CDK14: variants seen among roughly 807,000 people sequenced by gnomAD.
The protein encoded by CDK14 is cyclin dependent kinase 14.
A neutral mutation model predicts 60.7 loss-of-function variants in CDK14; 34 were observed. The ratio of observed to expected loss-of-function variants is 0.56; its 90% CI spans 0.43 to 0.75. The LOEUF is 0.75. CDK14 is among the 30% of genes least tolerant of loss of function. CDK14 has a pLI of 0.00. For missense variants in CDK14, 482 were observed against 564.1 expected (o/e 0.85, Z 1.47); for synonymous variants, 197 against 203.7 (o/e 0.97, Z 0.28).
At chr7:90,619,085 T>C (rs1799712389) in intron 2 of CDK14, among the ~76,000 whole-genome samples, 1 of 152,224 alleles carries the variant, frequency 6.6e-6, no homozygotes, top group South Asian at 2.1e-4. Flanking sequence ...TCTAACTTGT[T>C]TCCACCTCCA....
intron 7 of CDK14, among the ~76,000 whole-genome samples, chr7:90,910,738 A>G (rs369208130): frequency 2.8e-4 from 43 of 152,222 alleles, no homozygotes; most frequent in African/African-American, 1.0e-3. Context: ...CTTACTTACT[A>G]TGTGTTCCTT....
chr7:90,700,438 A>G (rs1371897470), intron 2 of CDK14, among the ~76,000 whole-genome samples: 2 of 152,162 alleles, frequency 1.3e-5, no homozygotes, highest in Non-Finnish European at 1.5e-5. Context: ...TACTTGGAGT[A>G]CTTGGCAGAG....
At chr7:91,107,359 A>G (rs543713083) in intron 12 of CDK14, 1 of 152,378 alleles carries the variant, frequency 6.6e-6, no homozygotes, top group South Asian at 2.1e-4. Flanking sequence ...CACACAGGAC[A>G]TTCTAGTCAG....
At chr7:90,963,711 CTTTT>C (rs34156393) in intron 9 of CDK14, among the ~76,000 whole-genome samples, 6 of 123,076 alleles carry the variant, frequency 4.9e-5, no homozygotes, top group South Asian at 2.6e-4. Flanking sequence ...TTTTTCTTTT[CTTTT>C]TTTTTTTTTT....
chr7:90,677,266 A>G (rs903387141), intron 2 of CDK14, among the ~76,000 whole-genome samples: 1 of 152,190 alleles, frequency 6.6e-6, no homozygotes, highest in Non-Finnish European at 1.5e-5. Context: ...ATCCTGAAAT[A>G]CAATTTTCTG....
At chr7:90,864,692 G>A (rs745766680) in intron 6 of CDK14, among the ~76,000 whole-genome samples, 2 of 152,166 alleles carry the variant, frequency 1.3e-5, no homozygotes, top group African/African-American at 2.4e-5. Flanking sequence ...GGGCTAAAAT[G>A]TACATATTGG....
chr7:90,714,952 G>A (rs1171863376), intron 2 of CDK14, among the ~76,000 whole-genome samples: 1 of 151,960 alleles, frequency 6.6e-6, no homozygotes, highest in Non-Finnish European at 1.5e-5. Flanking sequence ...CTCCTTTAGG[G>A]AAGGAATTTA....
At chr7:90,960,926 A>G (rs567325581) in intron 9 of CDK14, among the ~76,000 whole-genome samples, 58 of 152,282 alleles carry the variant, frequency 3.8e-4, no homozygotes, top group African/African-American at 1.3e-3. Context: ...AGGTACTTCT[A>G]TTGAACACAA....
At chr7:90,828,573 A>G (rs1188991706) in intron 5 of CDK14, among the ~76,000 whole-genome samples, 1 of 151,894 alleles carries the variant, frequency 6.6e-6, no homozygotes, top group Non-Finnish European at 1.5e-5. Context: ...GAAATCTAAT[A>G]TTACCGAATT....
intron 4 of CDK14, among the ~76,000 whole-genome samples, chr7:90,763,735 A>G (rs992736042): frequency 1.3e-5 from 2 of 152,176 alleles, no homozygotes; most frequent in African/African-American, 4.8e-5. Flanking sequence ...TAATGGGTGC[A>G]GCAAACCAAC....
At chr7:91,109,347 A>T (rs1357146847) in intron 12 of CDK14, among the ~76,000 whole-genome samples, 2 of 152,178 alleles carry the variant, frequency 1.3e-5, no homozygotes, top group Non-Finnish European at 2.9e-5. Context: ...GGGACAAATA[A>T]TTTGTCAGCG....
chr7:90,785,768 C>T (rs1272022214), intron 4 of CDK14, among the ~76,000 whole-genome samples: 1 of 121,636 alleles, frequency 8.2e-6, no homozygotes, highest in Non-Finnish European at 1.6e-5. Flanking sequence ...GCCTGGGCGG[C>T]TGAGTGAGAC....
At chr7:91,144,911 A>G (rs1418429008) in intron 14 of CDK14, among the ~76,000 whole-genome samples, 2 of 152,220 alleles carry the variant, frequency 1.3e-5, no homozygotes, top group East Asian at 3.8e-4. Context: ...AGAATTAGAT[A>G]GGTATTAGGG....
chr7:90,686,000 G>A (rs566083155), intron 2 of CDK14, among the ~76,000 whole-genome samples: 2 of 151,962 alleles, frequency 1.3e-5, no homozygotes, highest in East Asian at 3.9e-4. Context: ...TGGTACATAA[G>A]AAAGCTGTTT....
chr7:90,798,443 A>G (rs1027702032), intron 5 of CDK14, among the ~76,000 whole-genome samples: 13 of 152,160 alleles, frequency 8.5e-5, no homozygotes, highest in African/African-American at 2.9e-4. Flanking sequence ...TGTGGGAGAC[A>G]TTTGGGATAT....
intron 5 of CDK14, among the ~76,000 whole-genome samples, chr7:90,806,174 TA>T (rs766921403): frequency 6.6e-6 from 1 of 152,166 alleles, no homozygotes; most frequent in Non-Finnish European, 1.5e-5. Context: ...AGATAAAAGT[TA>T]AAACTTCTGG....
At chr7:90,967,391 G>T (rs1794784142) in intron 9 of CDK14, among the ~76,000 whole-genome samples, 5 of 152,154 alleles carry the variant, frequency 3.3e-5, no homozygotes. Flanking sequence ...CTTTAACTAT[G>T]AACATTGACT....
intron 14 of CDK14, among the ~76,000 whole-genome samples, chr7:91,183,471 T>A (rs1047191355): frequency 1.3e-5 from 2 of 152,182 alleles, no homozygotes; most frequent in Non-Finnish European, 2.9e-5. Flanking sequence ...GACTGGCAGG[T>A]CTTTGCTTTT....
chr7:90,941,239 C>T (rs547868438), intron 8 of CDK14, among the ~76,000 whole-genome samples: 1 of 152,258 alleles, frequency 6.6e-6, no homozygotes, highest in South Asian at 2.1e-4. Flanking sequence ...TGCCTGGAAG[C>T]ATGGATGCAC....
Sources: allele counts gnomAD v4.1 joint callset (sites outside exome capture counted in the v4.1 genomes callset), GRCh38; gene constraint gnomAD v4.1.1; transcripts MANE v1.5; gene names NCBI Gene and HGNC (gene_info 2026-07-23, HGNC 2026-07-21).